PLA2G4F: variants seen among roughly 807,000 people sequenced by gnomAD.
PLA2G4F encodes the protein cytosolic phospholipase A2 zeta.
Under a neutral mutation model 103.1 loss-of-function variants are expected in PLA2G4F, and 105 were observed. That is an observed-to-expected ratio of 1.02 (90% CI 0.87 to 1.20). PLA2G4F has a LOEUF of 1.20. Ranked by LOEUF, PLA2G4F falls within the 50% of genes most tolerant of loss-of-function variation. PLA2G4F has a pLI of 0.00. For missense variants in PLA2G4F, 1,155 were observed against 1,075.9 expected (o/e 1.07, Z -1.03); for synonymous variants, 468 against 441.1 (o/e 1.06, Z -0.76).
In PLA2G4F at chr15:42,145,865, T is replaced by A. The variant is rs1376189516; in HGVS notation, c.1573A>T (p.Lys525Ter). ...TCGGTGGGAACATAAGCCCCGTACT[T>A]GGGGAAGCCAACCTCATAGGGCGTG... The part of the protein sequence containing the change: ...EFTPYEVGFP[K>*]YGAYVPTELF... Residue 525 changes from lysine (K) to a stop codon, truncating the protein, a stop_gained, in exon 15 of 20, where the codon AAG (lysine) becomes TAG (stop). Coordinates refer to ENST00000397272, the MANE Select transcript of PLA2G4F (RefSeq NM_213600.4). LOFTEE classifies it high-confidence loss of function. 1 of 1,614,074 alleles carries A rather than the reference T, an allele frequency of 6.2e-7. No individual in the cohort carries two copies. Among genetic ancestry groups the A allele is most frequent in the South Asian group, 1.1e-5 (1 of 91,082 alleles).
intron 2 of PLA2G4F, among the ~76,000 whole-genome samples, 153 bp downstream of exon 2, chr15:42,155,364 G>A (rs771427573): frequency 7.2e-5 from 11 of 152,058 alleles, no homozygotes; most frequent in Non-Finnish European, 1.3e-4. Flanking sequence ...ATGCCTACAC[G>A]TATACTCACA....
chr15:42,147,823 C>T, intron 11 of PLA2G4F, 61 bp from the exon 12 acceptor site: 1 of 1,597,096 alleles, frequency 6.3e-7, no homozygotes, highest in Non-Finnish European at 8.6e-7. Context: ...CGTATTACTG[C>T]CTATACATGT....
chr15:42,153,733 C>T lies in PLA2G4F; in HGVS notation c.451-73G>A, dbSNP rs200036658. The T allele has an allele frequency of 4.4e-4, 681 of 1,540,204 alleles. 10 individuals are homozygous for T. In the East Asian group the frequency reaches 0.014, roughly 31 times the overall value. The stretch of plus-strand genomic sequence containing the variant: ...CTCCAGAGCTGTTCCTGCCTGCCAG[C>T]CCTGCTTGGCTCCAGGGGCTAGAAG... On this transcript the variant is annotated intron_variant, in intron 4 of 19. Transcript: ENST00000397272.
rs1199219010 is a variant in PLA2G4F, at chr15:42,147,283, C to T, written c.1260G>A (p.Glu420=). 6.2e-7 allele frequency: 1 copy of T among 1,611,254 alleles called. No individual in the cohort carries two copies. Among genetic ancestry groups the T allele is most frequent in the South Asian group, 1.1e-5 (1 of 91,004 alleles). The change falls in exon 13 of 20, where the codon GAG becomes GAA. Residue 420 remains glutamate (E), a synonymous_variant. Coordinates refer to ENST00000397272, the MANE Select transcript of PLA2G4F (RefSeq NM_213600.4). ...WSQVALQGPI[E]RAQVHVCSSK... ...TGCTGCAGACGTGAACCTGGGCACG[C>T]TCAATGGGGCCCTGCAAGGCCACCT...
In PLA2G4F at chr15:42,140,833, C is replaced by T. The variant is rs1441701432; in HGVS notation, c.*1151G>A. 2 of 179,788 alleles carry T rather than the reference C, an allele frequency of 1.1e-5. No individual in the cohort carries two copies. Among genetic ancestry groups the T allele is most frequent in the Non-Finnish European group, 2.4e-5 (2 of 83,568 alleles). The allele number at this position is 179,788 out of a possible 1,614,324, so 11.1% of individuals were successfully genotyped here. Reference sequence around the variant, plus strand: ...AGAAGGAACAAGGTCTCAAGTGCTGCTGCAGGCTCCTAGGCAGCTCAGCAC... The same window carrying T: ...AGAAGGAACAAGGTCTCAAGTGCTGTTGCAGGCTCCTAGGCAGCTCAGCAC... On this transcript the variant is annotated 3_prime_UTR_variant, in exon 20 of 20. Transcript: ENST00000397272.
chr15:42,149,725 C>T lies in PLA2G4F; in HGVS notation c.1047G>A (p.Leu349=), dbSNP rs768565403. The T allele has an allele frequency of 1.2e-6, 2 of 1,614,218 alleles. No homozygotes were observed. Among genetic ancestry groups the T allele is most frequent in the South Asian group, 2.2e-5 (2 of 91,088 alleles). ...CTCCATTACGTACCTGGCCACTGTC[C>T]AGAGCCTCACTCAATCCCAGCACTT... ...LQQVLGLSEA[L]DSGQVPVVAV... The change falls in exon 11 of 20, where the codon CTG becomes CTA. Residue 349 remains leucine (L), a synonymous_variant. Coordinates refer to ENST00000397272, the MANE Select transcript of PLA2G4F (RefSeq NM_213600.4).
chr15:42,155,090 C>T (rs542675622), intron 2 of PLA2G4F, among the ~76,000 whole-genome samples: 20 of 148,682 alleles, frequency 1.3e-4, no homozygotes, highest in African/African-American at 4.6e-4. Flanking sequence ...CACGCACACA[C>T]GTATACACAC....
chr15:42,147,102 T>A, intron 13 of PLA2G4F, 22 bp downstream of exon 13: 1 of 1,601,730 alleles, frequency 6.2e-7, no homozygotes, highest in Non-Finnish European at 8.5e-7. Context: ...GCCTACGTAT[T>A]TCCTTCTGGC....
At chr15:42,152,619 C>G (rs2048972085) in intron 7 of PLA2G4F, 69 bp downstream of exon 7, 1 of 1,495,244 alleles carries the variant, frequency 6.7e-7, no homozygotes, top group Non-Finnish European at 9.1e-7. Context: ...CCAGACCCAC[C>G]TCCTTGACAT....
At chr15:42,145,534 T>C in intron 16 of PLA2G4F, 41 bp downstream of exon 16, 11 of 1,570,866 alleles carry the variant, frequency 7.0e-6, no homozygotes, top group Non-Finnish European at 9.6e-6. Context: ...GCCCTGTTGC[T>C]GGAATGTGGT....
rs146007650 is a variant in PLA2G4F, at chr15:42,145,622, G to A, written c.1733C>T (p.Ser578Leu). The A allele has an allele frequency of 3.6e-4, 583 of 1,614,054 alleles. 8 individuals carry two copies. In the East Asian group the frequency reaches 0.012, roughly 34 times the overall value. ...LDEIFLKTAG[S>L]GLSFLEWYRG... Reference sequence around the variant, plus strand: ...GTACCACTCCAGGAAGCTGAGGCCCGAGCCGGCGGTCTTTAGGAAGATCTC... The same window carrying A: ...GTACCACTCCAGGAAGCTGAGGCCCAAGCCGGCGGTCTTTAGGAAGATCTC... Residue 578 changes from serine (S) to leucine (L), a missense_variant, in exon 16 of 20, where the codon TCG becomes TTG. Around this residue, in one of 3 missense-constraint regions of PLA2G4F, gnomAD observed 782 missense variants for 692.9 expected, o/e 1.13. Transcript: ENST00000397272.
chr15:42,145,548 G>A (rs1259705047), intron 16 of PLA2G4F, 27 bp downstream of exon 16: 1 of 1,596,626 alleles, frequency 6.3e-7, no homozygotes, highest in South Asian at 1.1e-5. Flanking sequence ...ATGTGGTGTG[G>A]GAGGGGCTCG....
chr15:42,145,658 GT>G lies in PLA2G4F; in HGVS notation c.1696del (p.Thr566ProfsTer8). 6.2e-7 allele frequency: 1 copy of G among 1,614,130 alleles called. No individual in the cohort carries two copies. The highest frequency in any genetic ancestry group is 1.6e-4 in the Middle Eastern group (1 of 6,062). ...LQGMWGSAFA[T>X]SLDEIFLKTA... ...CTTTAGGAAGATCTCATCCAGGCTG[GT>G]GGCAAAGGCGCTGCCCCACATACCT... On this transcript the variant is annotated frameshift_variant, in exon 16 of 20. Coordinates refer to ENST00000397272, the MANE Select transcript of PLA2G4F (RefSeq NM_213600.4). LOFTEE classifies it high-confidence loss of function.
intron 7 of PLA2G4F, 183 bp from the exon 8 acceptor site, chr15:42,150,960 C>T: frequency 1.0e-6 from 1 of 985,434 alleles, no homozygotes; most frequent in Non-Finnish European, 1.2e-6. Context: ...ACTCTTGGGT[C>T]CTCTAGCCTG....
intron 11 of PLA2G4F, among the ~76,000 whole-genome samples, chr15:42,148,201 AG>A (rs2048915141): frequency 6.7e-6 from 1 of 148,556 alleles, no homozygotes; most frequent in African/African-American, 2.6e-5. Context: ...AAAAAAAAAG[AG>A]AGAACCCCAT....
chr15:42,147,373 AG>A, intron 12 of PLA2G4F, 27 bp from the exon 13 acceptor site: 2 of 1,588,804 alleles, frequency 1.3e-6, no homozygotes. Context: ...TGCCTGAGTC[AG>A]GGGCAGGAGA....
At position 42,146,119 on chromosome 15, in the gene PLA2G4F, C is replaced by G; in HGVS notation, c.1534+8G>C. The G allele has an allele frequency of 6.2e-7, 1 of 1,613,570 alleles. No individual in the cohort carries two copies. The highest frequency in any genetic ancestry group is 8.5e-7 in the Non-Finnish European group (1 of 1,179,442). On this transcript the variant is annotated splice_region_variant and intron_variant, in intron 14 of 19. Transcript: ENST00000397272. The stretch of plus-strand genomic sequence containing the variant: ...CTACCTCCTTCCTTCGTCTCCACAC[C>G]CAGGCACCTGCAAAATCTTCCCCAC...
chr15:42,144,602 C>T lies in PLA2G4F; in HGVS notation c.1823G>A (p.Arg608Gln), dbSNP rs147124089. 9.1e-5 allele frequency: 147 copies of T among 1,611,002 alleles called. No individual in the cohort carries two copies. The highest frequency in any genetic ancestry group is 2.7e-4 in the East Asian group (12 of 44,870). Residue 608 changes from arginine to glutamine, a missense_variant, in exon 17 of 20, where the codon CGA (arginine) becomes CAA (glutamine). This residue lies in a region of PLA2G4F where 782 missense variants were observed against 692.9 expected (regional missense o/e 1.13). Coordinates refer to ENST00000397272, the MANE Select transcript of PLA2G4F (RefSeq NM_213600.4). ...KPQLHNPSRL[R>Q]TRLLTPQGPF... ...CCCCTGTGGGGTGAGGAGCCTCGTT[C>T]GCAGCCTCGAGGGGTTGTGCAGCTG...
chr15:42,153,621 T>A lies in PLA2G4F; in HGVS notation c.490A>T (p.Ser164Cys). 6.2e-7 allele frequency: 1 copy of A among 1,614,170 alleles called. No homozygotes were observed. Among genetic ancestry groups the A allele is most frequent in the Non-Finnish European group, 8.5e-7 (1 of 1,180,018 alleles). ...ELQVEFVLEK[S>C]QVPASEVITN... ...GGCGTTGGCTCTACCAGAACTCACC[T>A]CTTCTCCAGAACAAATTCCACCTGC... is the stretch of plus-strand genomic sequence containing the variant. The change falls in exon 5 of 20, where the codon AGC (serine) becomes TGC (cysteine). Residue 164 changes from serine to cysteine, a missense_variant and splice_region_variant. By Grantham distance (112) the Ser-to-Cys change is moderately radical. Around this residue, in one of 3 missense-constraint regions of PLA2G4F, gnomAD observed 370 missense variants for 364.9 expected, o/e 1.01. Transcript: ENST00000397272.
Sources: gnomAD v4.1 joint callset for allele counts (sites outside exome capture counted in the v4.1 genomes callset) on GRCh38, gnomAD v4.1.1 for gene constraint, gnomAD v4.1.1 regional missense constraint, MANE v1.5 for transcripts, NCBI Gene and HGNC (gene_info 2026-07-23, HGNC 2026-07-21) for gene names.